Variants in ICE2 observed in about 807,000 individuals in gnomAD.
The protein encoded by ICE2 is little elongation complex subunit 2.
ICE2 carries 87 observed loss-of-function variants against 105.4 expected under a neutral mutation model. That is an observed-to-expected ratio of 0.83 (90% CI 0.69 to 0.99). ICE2 has a LOEUF of 0.99. ICE2 is among the 50% of genes least tolerant of loss of function. The pLI is 0.00. For synonymous variants in ICE2, 399 were observed against 392.0 expected, an observed-to-expected ratio of 1.02 and a Z score of -0.21; for missense variants, 1,323 against 1,146.7, an observed-to-expected ratio of 1.15 and a Z score of -2.22.
chr15:60,459,011 G>A (rs565947462), intron 5 of ICE2, among the ~76,000 whole-genome samples: 3 of 152,166 alleles, frequency 2.0e-5, no homozygotes, highest in Non-Finnish European at 4.4e-5. Flanking sequence ...TTGGGAAGAC[G>A]AAAAGTTCTG....
At chr15:60,463,594 G>GGCC (rs2064339064) in intron 5 of ICE2, among the ~76,000 whole-genome samples, 1 of 152,118 alleles carries the variant, frequency 6.6e-6, no homozygotes. Flanking sequence ...CCAATACGGT[G>GGCC]AAACCCCATT....
intron 10 of ICE2, 68 bp downstream of exon 10, chr15:60,448,780 C>A (rs766722051): frequency 2.3e-6 from 3 of 1,329,284 alleles, no homozygotes; most frequent in East Asian, 2.3e-5. Context: ...AGTAAAGGAA[C>A]GAGGGAGAAA....
rs576382759 is a variant in ICE2, at chr15:60,449,918, T to A, written c.1126-77A>T. 15 of 981,464 alleles carry A rather than the reference T, an allele frequency of 1.5e-5. No individual in the cohort carries two copies. In the South Asian group the frequency reaches 2.4e-4, roughly 16 times the overall value. The allele number at this position is 981,464 out of a possible 1,614,324, so 60.8% of individuals were successfully genotyped here. ...CTATCTCTTAATGTCCCTATCCCTGTCATACATACTTCCTGCTCTTTTAAA... is the reference window on the plus strand; with the variant it reads ...CTATCTCTTAATGTCCCTATCCCTGACATACATACTTCCTGCTCTTTTAAA... On this transcript the variant is annotated intron_variant, in intron 9 of 15. Transcript: ENST00000261520.
At chr15:60,473,205 A>C (rs2064655944) in intron 3 of ICE2, among the ~76,000 whole-genome samples, 1 of 151,720 alleles carries the variant, frequency 6.6e-6, no homozygotes, top group Non-Finnish European at 1.5e-5. Flanking sequence ...TAGCCTCCCA[A>C]AGTATTGTTA....
rs764891365 is a variant in ICE2, at chr15:60,456,783, T to C, written c.540A>G (p.Arg180=). ...ACTTTTTCACTTGTTCAATGCAAGC[T>C]CTTAAAATTTTCTGAGAAACAGAAA... is the stretch of plus-strand genomic sequence containing the variant. ...DARLFTEKIL[R]ACIEQVKKYS... is the part of the protein sequence containing the mutation. Residue 180 remains arginine, a synonymous_variant, in exon 6 of 16, where the codon AGA becomes AGG. Transcript: ENST00000261520. 4.0e-6 allele frequency: 6 copies of C among 1,481,662 alleles called. No individual in the cohort carries two copies. Among genetic ancestry groups the C allele is most frequent in the Admixed American group, 5.1e-5 (2 of 39,280 alleles). The allele number at this position is 1,481,662 out of a possible 1,614,324, so 91.8% of individuals were successfully genotyped here. A position where few individuals can be genotyped will look rare whatever the true frequency, so the allele number is the denominator to read the frequency against.
chr15:60,449,148 T>A lies in ICE2; in HGVS notation c.1819A>T (p.Asn607Tyr). The A allele has an allele frequency of 1.2e-6, 2 of 1,614,078 alleles. No individual in the cohort carries two copies. The highest frequency in any genetic ancestry group is 1.7e-6 in the Non-Finnish European group (2 of 1,179,918). Residue 607 changes from asparagine (N) to tyrosine (Y), a missense_variant, in exon 10 of 16, where the codon AAT (asparagine) becomes TAT (tyrosine). By Grantham distance (143) the Asn-to-Tyr change is moderately radical (BLOSUM62 -2). Coordinates refer to ENST00000261520, the MANE Select transcript of ICE2 (RefSeq NM_024611.6). Reference sequence around the variant, plus strand: ...ACAGAAGCCTGTCCTGAGGAAGAATTTGGACTAGCTGGTCTGGAACTTAAG... The same window carrying A: ...ACAGAAGCCTGTCCTGAGGAAGAATATGGACTAGCTGGTCTGGAACTTAAG... ...SNLSSRPASP[N>Y]SSSGQASVGN...
At chr15:60,475,971 T>C in intron 3 of ICE2, 92 bp downstream of exon 3, 1 of 762,394 alleles carries the variant, frequency 1.3e-6, no homozygotes, top group Non-Finnish European at 2.0e-6. Flanking sequence ...TTCTATAATT[T>C]GAATGTTTAA....
At position 60,451,829 on chromosome 15, in the gene ICE2, C is replaced by T. The variant is rs183579644; in HGVS notation, c.1125+1774G>A. On this transcript the variant is annotated intron_variant, in intron 9 of 15. Coordinates refer to ENST00000261520, the MANE Select transcript of ICE2 (RefSeq NM_024611.6). ...AAAGCACAGTTCATTTTCTTAGTTG[C>T]CTCTTCAGAACTGGCACATATAATC... is the stretch of plus-strand genomic sequence containing the variant. 6 of 185,326 alleles carry T rather than the reference C, an allele frequency of 3.2e-5. No homozygotes were observed. In the Admixed American group the frequency reaches 3.3e-4, roughly 10 times the overall value. The allele number at this position is 185,326 out of a possible 1,614,324, so 11.5% of individuals were successfully genotyped here. A position where few individuals can be genotyped will look rare whatever the true frequency, so the allele number is the denominator to read the frequency against.
At chr15:60,458,689 G>A (rs1478040563) in intron 5 of ICE2, among the ~76,000 whole-genome samples, 1 of 152,074 alleles carries the variant, frequency 6.6e-6, no homozygotes, top group African/African-American at 2.4e-5. Context: ...CAACTCCAGT[G>A]TTTATCAATG....
chr15:60,478,963 C>T (rs1251490949), intron 1 of ICE2, 40 bp downstream of exon 1: 1 of 455,712 alleles, frequency 2.2e-6, no homozygotes, highest in Non-Finnish European at 4.4e-6. Flanking sequence ...GCAGCGCCCT[C>T]CCGTCCGCGT....
rs2140976567 is a variant in ICE2, at chr15:60,421,603, C to CCACT, written c.*2027_*2030dup. 1 of 152,232 alleles carries CCACT rather than the reference C, an allele frequency of 6.6e-6. No individual in the cohort carries two copies. The highest frequency in any genetic ancestry group is 1.9e-4 in the East Asian group (1 of 5,184). 9.4% of individuals were successfully genotyped at this position (152,232 alleles called of 1,614,324 possible). On this transcript the variant is annotated 3_prime_UTR_variant, in exon 16 of 16. Coordinates refer to ENST00000261520, the MANE Select transcript of ICE2 (RefSeq NM_024611.6). ...TCTGGTATTCAGAAGTCTGAAGCAACCACTGTCCAGCTCTTTAAAAAGAGC... is the reference window on the plus strand; with the variant it reads ...TCTGGTATTCAGAAGTCTGAAGCAACCACTCACTGTCCAGCTCTTTAAAAAGAGC...
intron 2 of ICE2, among the ~76,000 whole-genome samples, chr15:60,477,732 G>A (rs1350224719): frequency 1.3e-5 from 2 of 152,190 alleles, no homozygotes; most frequent in Admixed American, 1.3e-4. Flanking sequence ...GCTGAACTGT[G>A]TTGTTCCACT....
chr15:60,423,305 A>G lies in ICE2; in HGVS notation c.*329T>C, dbSNP rs1194602757. On this transcript the variant is annotated 3_prime_UTR_variant, in exon 16 of 16. Transcript: ENST00000261520. Reference sequence around the variant, plus strand: ...TATAACTAACACAATACATAACGATAAGTGTTGTTCTTGATAAAAAACCAA... The same window carrying G: ...TATAACTAACACAATACATAACGATGAGTGTTGTTCTTGATAAAAAACCAA... 1.1e-5 allele frequency: 2 copies of G among 175,838 alleles called. No individual in the cohort carries two copies. The highest frequency in any genetic ancestry group is 2.4e-5 in the Non-Finnish European group (2 of 82,762). 10.9% of individuals were successfully genotyped at this position (175,838 alleles called of 1,614,324 possible).
rs2141057075 is a variant in ICE2, at chr15:60,448,012, T to C, written c.2253A>G (p.Ile751Met). The stretch of plus-strand genomic sequence containing the variant: ...GTTTTTTAGAACGTGGTCTTGTCTC[T>C]ATCCTCTGGACACTGCAGCGTACGA... Reference protein sequence around the residue: ...LLLVRCSVQRIETRPRSKKRK... With the variant: ...LLLVRCSVQRMETRPRSKKRK... The change falls in exon 11 of 16, where the codon ATA becomes ATG. Residue 751 changes from isoleucine (I) to methionine (M), a missense_variant. Coordinates refer to ENST00000261520, the MANE Select transcript of ICE2 (RefSeq NM_024611.6). 1 of 1,612,810 alleles carries C rather than the reference T, an allele frequency of 6.2e-7. No homozygotes were observed. Among genetic ancestry groups the C allele is most frequent in the Non-Finnish European group, 8.5e-7 (1 of 1,179,632 alleles).
intron 14 of ICE2, among the ~76,000 whole-genome samples, chr15:60,429,113 G>A (rs1190585198): frequency 1.3e-5 from 2 of 152,174 alleles, no homozygotes; most frequent in Non-Finnish European, 2.9e-5. Context: ...AAGGTGATAT[G>A]TTTGCTACAC....
chr15:60,465,068 G>GA (rs2064384315), intron 5 of ICE2, among the ~76,000 whole-genome samples: 1 of 152,118 alleles, frequency 6.6e-6, no homozygotes, highest in African/African-American at 2.4e-5. Flanking sequence ...TTTCCACATA[G>GA]AAAATTATGA....
chr15:60,431,206 G>A (rs1163449114), intron 14 of ICE2, among the ~76,000 whole-genome samples: 1 of 151,726 alleles, frequency 6.6e-6, no homozygotes. Flanking sequence ...AATCTTGAAA[G>A]TGAAAATAAT....
chr15:60,447,556 C>T (rs1043147176), intron 11 of ICE2: 5 of 153,874 alleles, frequency 3.2e-5, no homozygotes, highest in African/African-American at 1.2e-4. Flanking sequence ...ATACATAGAG[C>T]CTGAGAGTAA....
chr15:60,427,899 C>A (rs1238644581), intron 15 of ICE2, among the ~76,000 whole-genome samples: 1 of 152,116 alleles, frequency 6.6e-6, no homozygotes. Context: ...TCAGTAAATA[C>A]TGAGTTACAT....
Sources: allele counts gnomAD v4.1 joint callset (sites outside exome capture counted in the v4.1 genomes callset), GRCh38; gene constraint gnomAD v4.1.1; transcripts MANE v1.5; gene names NCBI Gene and HGNC (gene_info 2026-07-23, HGNC 2026-07-21).